The following SP6 variants were observed in gnomAD, a reference collection of about 807,000 sequenced individuals.
SP6 encodes the protein transcription factor Sp6.
A neutral mutation model predicts 23.4 loss-of-function variants in SP6; 10 were observed. That is an observed-to-expected ratio of 0.43 (90% CI 0.26 to 0.72). The LOEUF (loss-of-function observed/expected upper bound fraction) is 0.72. Among genes scored for constraint, SP6 ranks in the 30% least tolerant of loss-of-function variants. The pLI is 0.23. For synonymous variants in SP6, 238 were observed against 238.7 expected, an observed-to-expected ratio of 1.00 and a Z score of 0.03; for missense variants, 482 against 523.8, an observed-to-expected ratio of 0.92 and a Z score of 0.78.
chr17:47,848,515 A>C lies in SP6; in HGVS notation c.-57-29T>G. The stretch of plus-strand genomic sequence containing the variant: ...AAGGAGGCGAAGAAGCAGAAAAGTA[A>C]GGGAAATAACCAGCTCACTTTCCCT... On this transcript the variant is annotated intron_variant, in intron 1 of 1. Coordinates refer to ENST00000536300, the MANE Select transcript of SP6 (RefSeq NM_001258248.2). This position sits in a 1 kb window ranked among gnomAD's most constrained non-coding sequence, Gnocchi z 5.3. The C allele has an allele frequency of 7.6e-7, 1 of 1,311,032 alleles. No homozygotes were observed. The highest frequency in any genetic ancestry group is 1.0e-6 in the Non-Finnish European group (1 of 975,260). The allele number at this position is 1,311,032 out of a possible 1,614,324, so 81.2% of individuals were successfully genotyped here.
upstream of SP6, among the ~76,000 whole-genome samples, chr17:47,855,482 C>T (rs1360666386): frequency 6.6e-6 from 1 of 152,232 alleles, no homozygotes; most frequent in Non-Finnish European, 1.5e-5. Context: ...GTCAAAAGAC[C>T]TCCAAGGGAT....
At chr17:47,869,581 C>T in the SP6 span, among the ~76,000 whole-genome samples, 6 of 152,168 alleles carry the variant, frequency 3.9e-5, no homozygotes, top group Non-Finnish European at 7.3e-5. Flanking sequence ...ACGAATCTCA[C>T]GGACACTCAG....
upstream of SP6, chr17:47,855,876 G>A (rs58974249): frequency 0.033 from 5,032 of 152,390 alleles, 273 homozygotes; most frequent in African/African-American, 0.11. Flanking sequence ...ATCTGAGTCC[G>A]TGAGGTCTGC....
chr17:47,848,063 G>A lies in SP6; in HGVS notation c.367C>T (p.Leu123Phe). Residue 123 changes from leucine (L) to phenylalanine (F), a missense_variant, in exon 2 of 2, where the codon CTT becomes TTT. Coordinates refer to ENST00000536300, the MANE Select transcript of SP6 (RefSeq NM_001258248.2). The surrounding 1 kb of genome is among the most constrained non-coding windows in gnomAD (Gnocchi z 5.3). The part of the protein sequence containing the change: ...PGAEDGSWWD[L>F]HPGTSWMDLP... Reference sequence around the variant, plus strand: ...TCCATCCAGCTGGTGCCCGGATGAAGGTCCCACCACGAGCCATCCTCCGCG... The same window carrying A: ...TCCATCCAGCTGGTGCCCGGATGAAAGTCCCACCACGAGCCATCCTCCGCG... 1.2e-6 allele frequency: 2 copies of A among 1,613,198 alleles called. No homozygotes were observed. The highest frequency in any genetic ancestry group is 1.7e-5 in the Admixed American group (1 of 59,986).
In SP6 at chr17:47,846,037, G is replaced by A. The variant is rs2033881724; in HGVS notation, c.*1262C>T. 1 of 152,226 alleles carries A rather than the reference G, an allele frequency of 6.6e-6. No homozygotes were observed. Among genetic ancestry groups the A allele is most frequent in the Non-Finnish European group, 1.5e-5 (1 of 68,036 alleles). 9.4% of individuals were successfully genotyped at this position (152,226 alleles called of 1,614,324 possible). A position where few individuals can be genotyped will look rare whatever the true frequency, so the allele number is the denominator to read the frequency against. On this transcript the variant is annotated 3_prime_UTR_variant, in exon 2 of 2. Coordinates refer to ENST00000536300, the MANE Select transcript of SP6 (RefSeq NM_001258248.2). ...GTGTTTCTAGCATCTAAAGGAGAAG[G>A]GAATGGGGACAGCTTCCTGGATGTC...
At chr17:47,851,810 A>G (rs893903500), upstream of SP6, among the ~76,000 whole-genome samples, 2 of 149,316 alleles carry the variant, frequency 1.3e-5, no homozygotes, top group African/African-American at 5.0e-5. Context: ...CTTCCGGGGT[A>G]TCCCTCTCTG....
the SP6 span, among the ~76,000 whole-genome samples, chr17:47,874,054 TCTC>T: frequency 6.6e-6 from 1 of 150,482 alleles, no homozygotes; most frequent in Non-Finnish European, 1.5e-5. Context: ...TTCTTCTTCT[TCTC>T]CTTCCTCCCT....
chr17:47,867,795 T>G, the SP6 span, among the ~76,000 whole-genome samples: 1 of 152,276 alleles, frequency 6.6e-6, no homozygotes, highest in East Asian at 1.9e-4. Flanking sequence ...TCTCTCCCAG[T>G]TTTGAGGTGA....
chr17:47,866,463 G>T, the SP6 span, among the ~76,000 whole-genome samples: 22 of 152,178 alleles, frequency 1.4e-4, no homozygotes, highest in Non-Finnish European at 2.9e-5. Context: ...GGAGCCAGGA[G>T]ATAGGGTTCA....
the SP6 span, among the ~76,000 whole-genome samples, chr17:47,869,780 G>A: frequency 6.6e-6 from 1 of 152,202 alleles, no homozygotes; most frequent in African/African-American, 2.4e-5. Flanking sequence ...TCTGTTCCTT[G>A]AGCTGAGTGT....
chr17:47,847,879 CCTAGGAGATGCTGCCCTCCGGCAG>C lies in SP6; in HGVS notation c.527_550del (p.Ala176_Leu183del). On this transcript the variant is annotated inframe_deletion, in exon 2 of 2. Coordinates refer to ENST00000536300, the MANE Select transcript of SP6 (RefSeq NM_001258248.2). ...CAAGGCCTTAGCCCCGTCGGGCGGC[CCTAGGAGATGCTGCCCTCCGGCAG>C]CTGGAAGGAGGTGGTGCGCATGCGG... 1 of 1,552,164 alleles carries C rather than the reference CCTAGGAGATGCTGCCCTCCGGCAG, an allele frequency of 6.4e-7. No homozygotes were observed.
At chr17:47,869,200 C>T in the SP6 span, among the ~76,000 whole-genome samples, 2 of 152,242 alleles carry the variant, frequency 1.3e-5, no homozygotes, top group South Asian at 2.1e-4. Context: ...ACTGCCTCCC[C>T]TCCCCTGCCA....
At chr17:47,857,547 C>T (rs2034006101), upstream of SP6, among the ~76,000 whole-genome samples, 1 of 152,114 alleles carries the variant, frequency 6.6e-6, no homozygotes, top group East Asian at 1.9e-4. Context: ...CAACCTGGAC[C>T]TTCAGGCCCA....
At chr17:47,873,232 G>A in the SP6 span, among the ~76,000 whole-genome samples, 3 of 152,278 alleles carry the variant, frequency 2.0e-5, no homozygotes, top group Non-Finnish European at 2.9e-5. Flanking sequence ...GCCTCTGCTT[G>A]CCTCCTTCTC....
chr17:47,848,433 C>T lies in SP6; in HGVS notation c.-4G>A, dbSNP rs1276358561. The T allele has an allele frequency of 3.3e-6, 5 of 1,497,958 alleles. No individual in the cohort carries two copies. The highest frequency in any genetic ancestry group is 4.5e-6 in the Non-Finnish European group (5 of 1,119,970). The allele number at this position is 1,497,958 out of a possible 1,614,324, so 92.8% of individuals were successfully genotyped here. On this transcript the variant is annotated 5_prime_UTR_variant, in exon 2 of 2. Transcript: ENST00000536300. This position sits in a 1 kb window ranked among gnomAD's most constrained non-coding sequence, Gnocchi z 5.3. ...AGCCGCAGACAGCGGTTAGCATTGC[C>T]GGGATCCGGGGTGGGGTGAGGGCAG...
intron 1 of SP6, among the ~76,000 whole-genome samples, chr17:47,850,365 T>C (rs1267233864): frequency 4.0e-5 from 6 of 151,778 alleles, no homozygotes; most frequent in East Asian, 3.9e-4. Flanking sequence ...TAGCAGAAGA[T>C]GCAAGACTAA....
Position 47,847,874 on chromosome 17 carries a change from G to C in SP6, c.556C>G (p.Pro186Ala), listed in dbSNP as rs1489110874. ...ACTTCCAAGGCCTTAGCCCCGTCGG[G>C]CGGCCCTAGGAGATGCTGCCCTCCG... The part of the protein sequence containing the change: ...AAGGQHLLGP[P>A]DGAKALEVAA... Residue 186 changes from proline (P) to alanine (A), a missense_variant, in exon 2 of 2, where the codon CCC becomes GCC. Physicochemically the swap from Pro to Ala is conservative, Grantham distance 27. Coordinates refer to ENST00000536300, the MANE Select transcript of SP6 (RefSeq NM_001258248.2). The C allele has an allele frequency of 1.3e-6, 2 of 1,540,650 alleles. No homozygotes were observed. The highest frequency in any genetic ancestry group is 2.7e-5 in the African/African-American group (2 of 73,236).
At position 47,846,965 on chromosome 17, in the gene SP6, A is replaced by C; in HGVS notation, c.*334T>G. The C allele has an allele frequency of 7.5e-6, 2 of 264,980 alleles. No individual in the cohort carries two copies. The highest frequency in any genetic ancestry group is 1.4e-5 in the Non-Finnish European group (2 of 140,746). 16.4% of individuals were successfully genotyped at this position (264,980 alleles called of 1,614,324 possible). On this transcript the variant is annotated 3_prime_UTR_variant, in exon 2 of 2. Coordinates refer to ENST00000536300, the MANE Select transcript of SP6 (RefSeq NM_001258248.2). Reference sequence around the variant, plus strand: ...ACTTCTCTCTGCTCCGGGGACTGGGACTTGCTGTCTCCTCTAGCCTGTCCC... The same window carrying C: ...ACTTCTCTCTGCTCCGGGGACTGGGCCTTGCTGTCTCCTCTAGCCTGTCCC...
At chr17:47,849,038 T>A (rs562587456) in intron 1 of SP6, among the ~76,000 whole-genome samples, 9 of 152,286 alleles carry the variant, frequency 5.9e-5, no homozygotes, top group African/African-American at 2.2e-4. Context: ...GCATGTTCAG[T>A]AATGAAAAGC....
Sources: gnomAD v4.1 joint callset for allele counts (sites outside exome capture counted in the v4.1 genomes callset) on GRCh38, gnomAD v4.1.1 for gene constraint, Gnocchi (gnomAD v3.1) non-coding constraint, MANE v1.5 for transcripts, NCBI Gene and HGNC (gene_info 2026-07-23, HGNC 2026-07-21) for gene names.